Variants in RTL5 observed in about 807,000 individuals in gnomAD.
RTL5 encodes the protein retrotransposon Gag like 5.
RTL5 carries 8 observed loss-of-function variants against 7.7 expected under a neutral mutation model. The observed-to-expected ratio is 1.04, with a 90% confidence interval of 0.61 to 1.88. RTL5 has a LOEUF of 1.88. Among genes scored for constraint, RTL5 ranks in the 40% most tolerant of loss-of-function variants. RTL5 has a pLI of 0.00. For missense variants in RTL5, 457 were observed against 472.7 expected (o/e 0.97, Z 0.31); for synonymous variants, 188 against 191.8 (o/e 0.98, Z 0.16).
At chrX:72,130,888 G>A (rs760043877) in exon 1 of RTL5, 7 of 1,211,789 alleles carry the variant, frequency 5.8e-6, no homozygotes, top group Non-Finnish European at 7.8e-6. Context: ...CAGGAAGCGC[G>A]GGAAGTTGGC....
upstream of RTL5, chrX:72,131,873 C>CGAGCGGAGCGGGAGG: frequency 3.0e-6 from 1 of 336,869 alleles, no homozygotes; most frequent in East Asian, 6.7e-5. Flanking sequence ...CGGGCAGGGG[C>CGAGCGGAGCGGGAGG]GAGCGGAGCG....
exon 1 of RTL5, chrX:72,130,195 C>T: frequency 2.5e-6 from 3 of 1,210,656 alleles, no homozygotes; most frequent in Non-Finnish European, 3.4e-6. Flanking sequence ...CTCCACCTCA[C>T]CATAGGTCTC....
upstream of RTL5, chrX:72,131,911 T>C: frequency 2.1e-6 from 1 of 471,002 alleles, no homozygotes; most frequent in Non-Finnish European, 3.6e-6. Flanking sequence ...GCAGGATCTG[T>C]CGAGGAAAAA....
chrX:72,129,286 G>A (rs766496766), exon 1 of RTL5: 3 of 114,233 alleles, frequency 2.6e-5, no homozygotes, highest in Admixed American at 9.1e-5. Flanking sequence ...CATGAAATGA[G>A]TGTAGGATTC....
rs758165561 is a variant in RTL5, at chrX:72,131,575, G to A, written c.-35C>T. 25 of 1,135,576 alleles carry A rather than the reference G, an allele frequency of 2.2e-5. No homozygotes were observed. The African/African-American group carries it at 3.7e-4, about 17-fold the overall frequency. 93.6% of individuals were successfully genotyped at this position (1,135,576 alleles called of 1,213,427 possible). On this transcript the variant is annotated 5_prime_UTR_variant, in exon 1 of 1. Coordinates refer to ENST00000609883, the Ensembl canonical transcript of RTL5. ...CCCAGGGGCCCTGGGGCTCCGTGGT[G>A]GGGAAAGGGGAACTGGAACTACGGG... is the stretch of plus-strand genomic sequence containing the variant.
exon 1 of RTL5, chrX:72,131,505 G>A (rs770951624): frequency 1.8e-5 from 21 of 1,196,266 alleles, no homozygotes; most frequent in Non-Finnish European, 2.4e-5. Flanking sequence ...CATTCGCCAT[G>A]CGGAGGCTGT....
exon 1 of RTL5, chrX:72,130,869 G>A (rs774347563): frequency 8.3e-7 from 1 of 1,211,862 alleles, no homozygotes; most frequent in Non-Finnish European, 1.1e-6. Flanking sequence ...ATTCCTTACG[G>A]ATTTCATCCA....
exon 1 of RTL5, chrX:72,128,849 G>C (rs1220286369): frequency 8.8e-6 from 1 of 113,283 alleles, no homozygotes; most frequent in Non-Finnish European, 1.9e-5. Flanking sequence ...TGCAGTCCAA[G>C]GCCTGGCAAG....
exon 1 of RTL5, chrX:72,129,430 G>A: frequency 6.8e-6 from 1 of 147,066 alleles, no homozygotes; most frequent in Admixed American, 7.3e-5. Flanking sequence ...GTGAAGTCCT[G>A]GTGGGTCAGT....
chrX:72,131,246 TAC>T lies in RTL5; in HGVS notation c.293_294del (p.Cys98TyrfsTer4), dbSNP rs2042294896. 8.4e-7 allele frequency: 1 copy of T among 1,197,203 alleles called. No homozygotes were observed. The highest frequency in any genetic ancestry group is 2.2e-5 in the Admixed American group (1 of 44,581). ...ACGTTAATCAAAAGATCATCCGAGA[TAC>T]AGTCGGGCTCCGCGCGTGGGGGAGG... On this transcript the variant is annotated frameshift_variant, in exon 1 of 1. Transcript: ENST00000609883. LOFTEE classifies it low-confidence loss of function (END_TRUNC).
exon 1 of RTL5, chrX:72,128,565 A>C (rs1445396074): frequency 8.9e-6 from 1 of 112,806 alleles, no homozygotes; most frequent in Admixed American, 9.3e-5. Context: ...AAGTCCCAGG[A>C]GTTCCTAGGA....
chrX:72,130,690 A>T (rs1466938663), exon 1 of RTL5: 2 of 1,211,937 alleles, frequency 1.7e-6, no homozygotes, highest in South Asian at 3.5e-5. Flanking sequence ...CTCTTTGCGG[A>T]AGAATTCCGA....
chrX:72,129,664 TG>T, exon 1 of RTL5: 1 of 504,431 alleles, frequency 2.0e-6, no homozygotes, highest in Non-Finnish European at 3.2e-6. Context: ...CGTCGCTCTC[TG>T]GTCACGGTTG....
At chrX:72,129,899 G>T (rs267606504) in exon 1 of RTL5, 4 of 1,208,756 alleles carry the variant, frequency 3.3e-6, no homozygotes, top group Admixed American at 2.2e-5. Flanking sequence ...AAAAGCACAG[G>T]GGGGCGTCTT....
downstream of RTL5, chrX:72,127,154 A>T (rs780910485): frequency 9.0e-6 from 1 of 111,619 alleles, no homozygotes; most frequent in African/African-American, 3.3e-5. Flanking sequence ...AAGCTTTAGC[A>T]TACAGAGCAG....
Position 72,131,101 on chromosome X carries a change from G to T in RTL5, c.440C>A (p.Pro147Gln), listed in dbSNP as rs767467207. The change falls in exon 1 of 1, where the codon CCG (proline) becomes CAG (glutamine). Residue 147 changes from proline (P) to glutamine (Q), a missense_variant. Coordinates refer to ENST00000609883, the Ensembl canonical transcript of RTL5. The stretch of plus-strand genomic sequence containing the variant: ...GGGCTCTATCTCAGGCCGCTCCAGC[G>T]GTGCCAGAGGGGGTTGCGGGGGCGG... 6 of 1,207,929 alleles carry T rather than the reference G, an allele frequency of 5.0e-6. No homozygotes were observed. In the East Asian group the frequency reaches 1.5e-4, roughly 30 times the overall value.
rs1489405389 is a variant in RTL5 at position 72,130,828 on chromosome X, T to G, written c.713A>C (p.Lys238Thr). 5 of 1,211,489 alleles carry G rather than the reference T, an allele frequency of 4.1e-6. No homozygotes were observed. The Admixed American group carries it at 8.7e-5, about 21-fold the overall frequency. The change falls in exon 1 of 1, where the codon AAA becomes ACA. Residue 238 changes from lysine (K) to threonine (T), a missense_variant. By Grantham distance (78) the Lys-to-Thr change is moderately conservative (BLOSUM62 -1). Transcript: ENST00000609883. ...CTGCTTGAGCTTGCGAATGGCCTTT[T>G]TAGCCACACGTGGGGGGATGGGGCC...
rs767497557 is a variant in RTL5 at position 72,129,839 on chromosome X, G to A, written c.1702C>T (p.Arg568Ter). 2 of 1,190,472 alleles carry A rather than the reference G, an allele frequency of 1.7e-6. No individual in the cohort carries two copies. The highest frequency in any genetic ancestry group is 1.9e-5 in the South Asian group (1 of 53,593). ...CCATCTGGCCCCAGCACTCAAACTC[G>A]AATTCGGCCACGAGCAGCTCGGTGG... The change falls in exon 1 of 1, where the codon CGA becomes TGA. Residue 568 changes from arginine to a stop codon, truncating the protein, a stop_gained. Transcript: ENST00000609883. LOFTEE classifies it high-confidence loss of function.
At chrX:72,129,898 G>A (rs2042267180) in exon 1 of RTL5, 2 of 1,210,532 alleles carry the variant, frequency 1.7e-6, no homozygotes, top group East Asian at 5.9e-5. Flanking sequence ...GAAAAGCACA[G>A]GGGGGCGTCT....
Sources: allele counts gnomAD v4.1 joint callset, GRCh38; gene constraint gnomAD v4.1.1; transcripts MANE v1.5; gene names NCBI Gene and HGNC (gene_info 2026-07-23, HGNC 2026-07-21).